THSD4: variants seen among roughly 807,000 people sequenced by gnomAD.
THSD4 encodes the protein thrombospondin type 1 domain containing 4, also known as thrombospondin type-1 domain-containing protein 4.
THSD4 carries 69 observed loss-of-function variants against 119.0 expected under a neutral mutation model. The observed-to-expected ratio is 0.58, with a 90% CI of 0.48 to 0.71. The LOEUF is 0.71. Among genes scored for constraint, THSD4 ranks in the 30% least tolerant of loss-of-function variants. THSD4 has a pLI of 0.00. For synonymous variants in THSD4, 524 were observed against 540.4 expected (o/e 0.97, Z 0.42); for missense variants, 1,393 against 1,391.1 (o/e 1.00, Z -0.02).
intron 10 of THSD4, among the ~76,000 whole-genome samples, chr15:71,735,159 CA>C (rs1416940318): frequency 6.6e-6 from 1 of 152,114 alleles, no homozygotes; most frequent in African/African-American, 2.4e-5. Context: ...TTAGACAAGC[CA>C]AAACATTGGC....
At chr15:71,426,983 A>C (rs1471941604) in intron 7 of THSD4, among the ~76,000 whole-genome samples, 1 of 152,158 alleles carries the variant, frequency 6.6e-6, no homozygotes, top group African/African-American at 2.4e-5. Context: ...ATTAACTAAG[A>C]AGTAAACTTT....
At chr15:71,504,834 G>T (rs536009643) in intron 7 of THSD4, among the ~76,000 whole-genome samples, 1 of 152,052 alleles carries the variant, frequency 6.6e-6, no homozygotes, top group South Asian at 2.1e-4. Flanking sequence ...TCTATTCCAG[G>T]AGCTAACCCA....
rs1159213442 is a variant in THSD4, at chr15:71,765,268, C to T, written c.2769+69C>T. 3 of 1,510,816 alleles carry T rather than the reference C, an allele frequency of 2.0e-6. No homozygotes were observed. In the East Asian group the frequency reaches 6.9e-5, roughly 35 times the overall value. The allele number at this position is 1,510,816 out of a possible 1,614,324, so 93.6% of individuals were successfully genotyped here. A position where few individuals can be genotyped will look rare whatever the true frequency, so the allele number is the denominator to read the frequency against. ...CCCCCACCTGAACTCCTATAGACCC[C>T]TCTGGGCCAGGCACTGGGTTCAGCC... is the stretch of plus-strand genomic sequence containing the variant. On this transcript the variant is annotated intron_variant, in intron 16 of 17. Transcript: ENST00000261862.
chr15:71,377,780 G>C (rs1055211174), intron 6 of THSD4, among the ~76,000 whole-genome samples: 1 of 151,802 alleles, frequency 6.6e-6, no homozygotes, highest in African/African-American at 2.4e-5. Flanking sequence ...AGAACTTTGT[G>C]ATATACAGAA....
chr15:71,143,935 G>A (rs1299233396), intron 2 of THSD4, among the ~76,000 whole-genome samples: 1 of 152,004 alleles, frequency 6.6e-6, no homozygotes, highest in African/African-American at 2.4e-5. Context: ...CCCTTTGCGG[G>A]AGGCCTGGGG....
At chr15:71,347,541 A>T (rs2045682323) in intron 6 of THSD4, among the ~76,000 whole-genome samples, 1 of 152,170 alleles carries the variant, frequency 6.6e-6, no homozygotes, top group African/African-American at 2.4e-5. Flanking sequence ...TACTTGACTG[A>T]TAACTTTGGT....
chr15:71,398,081 A>G (rs958485911), intron 6 of THSD4, among the ~76,000 whole-genome samples: 1 of 152,210 alleles, frequency 6.6e-6, no homozygotes, highest in Non-Finnish European at 1.5e-5. Context: ...TGGTCCATGT[A>G]GTGCAGAGAT....
At chr15:71,433,681 G>C (rs2046970398) in intron 7 of THSD4, among the ~76,000 whole-genome samples, 1 of 152,046 alleles carries the variant, frequency 6.6e-6, no homozygotes, top group Non-Finnish European at 1.5e-5. Flanking sequence ...ACAGAGCCCA[G>C]GACAAAGGAA....
intron 7 of THSD4, among the ~76,000 whole-genome samples, chr15:71,579,302 C>T (rs558699361): frequency 9.2e-5 from 14 of 152,256 alleles, no homozygotes; most frequent in African/African-American, 3.1e-4. Context: ...TGTTAACTTG[C>T]TTGAGGCCAG....
intron 6 of THSD4, among the ~76,000 whole-genome samples, chr15:71,405,729 A>G (rs1472570896): frequency 6.6e-6 from 1 of 152,218 alleles, no homozygotes; most frequent in Non-Finnish European, 1.5e-5. Context: ...GTAGATCAAT[A>G]TGGGGGAGTT....
At chr15:71,758,548 T>C (rs1471183136) in intron 15 of THSD4, among the ~76,000 whole-genome samples, 1 of 152,252 alleles carries the variant, frequency 6.6e-6, no homozygotes, top group Non-Finnish European at 1.5e-5. Flanking sequence ...GTTGGAATTG[T>C]TCATTATGAA....
chr15:71,354,948 C>T (rs754261588), intron 6 of THSD4, among the ~76,000 whole-genome samples: 2 of 152,156 alleles, frequency 1.3e-5, no homozygotes, highest in South Asian at 2.1e-4. Context: ...ATTTCCTGTG[C>T]CTGTACTTAC....
At chr15:71,223,428 C>T (rs1409799827) in intron 4 of THSD4, among the ~76,000 whole-genome samples, 2 of 152,226 alleles carry the variant, frequency 1.3e-5, no homozygotes, top group Non-Finnish European at 2.9e-5. Flanking sequence ...AATACTGAAA[C>T]TGGCTCTACT....
At chr15:71,660,814 G>A in intron 8 of THSD4, 80 bp downstream of exon 8, 1 of 1,525,864 alleles carries the variant, frequency 6.6e-7, no homozygotes, top group South Asian at 1.2e-5. Context: ...GATAGACACA[G>A]CAGTGTCCGA....
intron 7 of THSD4, among the ~76,000 whole-genome samples, chr15:71,584,413 C>A (rs571919441): frequency 6.6e-6 from 1 of 151,734 alleles, no homozygotes; most frequent in Non-Finnish European, 1.5e-5. Context: ...GGATTACAGG[C>A]GTCTACCACC....
At chr15:71,285,409 G>T (rs544506009) in intron 6 of THSD4, among the ~76,000 whole-genome samples, 1 of 152,282 alleles carries the variant, frequency 6.6e-6, no homozygotes, top group Admixed American at 6.5e-5. Flanking sequence ...AGGATAGTTT[G>T]TGTCTACATG....
chr15:71,182,847 T>A (rs933317368), intron 3 of THSD4, among the ~76,000 whole-genome samples: 2 of 151,820 alleles, frequency 1.3e-5, no homozygotes, highest in African/African-American at 4.8e-5. Context: ...GGATGCACAC[T>A]CCTTGGTTAG....
intron 6 of THSD4, among the ~76,000 whole-genome samples, chr15:71,326,700 AATAT>A (rs71154759): frequency 0.021 from 135 of 6,444 alleles, 6 homozygotes; most frequent in East Asian, 0.041. Context: ...AAAAAAAAAA[AATAT>A]ATATATATAT....
At chr15:71,429,181 G>A (rs1211949306) in intron 7 of THSD4, among the ~76,000 whole-genome samples, 1 of 152,210 alleles carries the variant, frequency 6.6e-6, no homozygotes, top group African/African-American at 2.4e-5. Context: ...AGGAAAATCG[G>A]AGGAGAATCT....
Sources: gnomAD v4.1 joint callset for allele counts (sites outside exome capture counted in the v4.1 genomes callset) on GRCh38, gnomAD v4.1.1 for gene constraint, MANE v1.5 for transcripts, NCBI Gene and HGNC (gene_info 2026-07-23, HGNC 2026-07-21) for gene names.